Variants in GPATCH8 observed in about 807,000 individuals in gnomAD.
The protein encoded by GPATCH8 is G patch domain-containing protein 8.
GPATCH8 carries 18 observed loss-of-function variants against 118.3 expected under a neutral mutation model. The ratio of observed to expected loss-of-function variants is 0.15; its 90% CI spans 0.11 to 0.23. The LOEUF (loss-of-function observed/expected upper bound fraction) is 0.23, where lower values mean the gene tolerates loss of function less well. Among genes scored for constraint, GPATCH8 ranks in the 10% least tolerant of loss-of-function variants. GPATCH8 has a pLI of 1.00. For synonymous variants in GPATCH8, 659 were observed against 684.7 expected, an observed-to-expected ratio of 0.96 and a Z score of 0.59; for missense variants, 1,631 against 1,873.8, an observed-to-expected ratio of 0.87 and a Z score of 2.39.
chr17:44,473,774 T>C (rs1407145228), intron 2 of GPATCH8: 1 of 152,044 alleles, frequency 6.6e-6, no homozygotes, highest in African/African-American at 2.4e-5. Context: ...GGAAGAAAAA[T>C]GTCGAACACC....
chr17:44,491,176 C>T (rs1011973564), intron 1 of GPATCH8, among the ~76,000 whole-genome samples: 3 of 152,294 alleles, frequency 2.0e-5, no homozygotes, highest in Non-Finnish European at 2.9e-5. Flanking sequence ...CCTCTTCCCT[C>T]TTCCTATAAC....
chr17:44,399,009 C>T lies in GPATCH8; in HGVS notation c.3068G>A (p.Arg1023Gln). 16 of 1,613,984 alleles carry T rather than the reference C, an allele frequency of 9.9e-6. No individual in the cohort carries two copies. Among genetic ancestry groups the T allele is most frequent in the East Asian group, 2.2e-5 (1 of 44,872 alleles). The part of the protein sequence containing the change: ...ESPEERHSGR[R>Q]DFIRSKIYRS... ...GTAGATCTTAGAACGAATGAAGTCC[C>T]GACGCCCAGAATGCCTCTCCTCAGG... The change falls in exon 8 of 8, where the codon CGG becomes CAG. Residue 1023 changes from arginine to glutamine, a missense_variant. By Grantham distance (43) the Arg-to-Gln change is conservative (BLOSUM62 1). Around this residue, in one of 8 missense-constraint regions of GPATCH8, gnomAD observed 922 missense variants for 879.7 expected, o/e 1.05. Transcript: ENST00000591680.
chr17:44,462,905 C>A (rs1012722486), intron 3 of GPATCH8, among the ~76,000 whole-genome samples: 5 of 151,854 alleles, frequency 3.3e-5, no homozygotes, highest in Non-Finnish European at 5.9e-5. Flanking sequence ...GGCGTGAACC[C>A]GGGAGGTGGA....
chr17:44,409,956 G>A (rs1388876236), intron 6 of GPATCH8, among the ~76,000 whole-genome samples: 3 of 152,114 alleles, frequency 2.0e-5, no homozygotes, highest in Non-Finnish European at 4.4e-5. Flanking sequence ...ACTATTTGTA[G>A]GAAAGGTTGA....
Position 44,462,749 on chromosome 17 carries a change from G to A in GPATCH8, c.193+1723C>T, listed in dbSNP as rs111593311. On this transcript the variant is annotated intron_variant, in intron 3 of 7. Coordinates refer to ENST00000591680, the MANE Select transcript of GPATCH8 (RefSeq NM_001002909.4). ...TATAATCCCAGCACTTTTGGAGGCC[G>A]AGGCGGGCGGATCACGAGATCAGGA... 4.1e-3 allele frequency among the ~76,000 whole-genome samples: 627 copies of A among 152,174 alleles called. 9 individuals carry two copies. The highest frequency in any genetic ancestry group is 0.014 in the African/African-American group (576 of 41,530).
At chr17:44,465,945 C>A (rs1472042487) in intron 2 of GPATCH8, 1 of 152,150 alleles carries the variant, frequency 6.6e-6, no homozygotes, top group Non-Finnish European at 1.5e-5. Context: ...CCATTTTCTT[C>A]TGTAAGTTTA....
chr17:44,403,394 A>G (rs1427421871), intron 7 of GPATCH8, among the ~76,000 whole-genome samples: 1 of 151,422 alleles, frequency 6.6e-6, no homozygotes, highest in Non-Finnish European at 1.5e-5. Flanking sequence ...ATTAAAAAAA[A>G]ATTTTGCAGA....
At chr17:44,473,903 A>T (rs1455589911) in intron 2 of GPATCH8, 1 of 152,260 alleles carries the variant, frequency 6.6e-6, no homozygotes. Flanking sequence ...TGAAAATAAA[A>T]GCTAAAGTTA....
Position 44,401,412 on chromosome 17 carries a change from G to T in GPATCH8, c.665C>A (p.Ala222Asp), listed in dbSNP as rs776342184. 2 of 1,613,152 alleles carry T rather than the reference G, an allele frequency of 1.2e-6. No homozygotes were observed. Among genetic ancestry groups the T allele is most frequent in the Non-Finnish European group, 1.7e-6 (2 of 1,179,100 alleles). Residue 222 changes from alanine (A) to aspartate (D), a missense_variant, in exon 8 of 8, where the codon GCT becomes GAT. Ala to Asp is a moderately radical substitution (Grantham distance 126). This residue lies in a region of GPATCH8 where 405 missense variants were observed against 462.7 expected (regional missense o/e 0.88). Transcript: ENST00000591680. The stretch of plus-strand genomic sequence containing the variant: ...ATCTTCTCCACCTTCTTCATCTACA[G>T]CCACTGTGGTTGGTTTGAACATGGG... The part of the protein sequence containing the change: ...SGPMFKPTTV[A>D]VDEEGGEDDK...
Position 44,395,507 on chromosome 17 carries a change from C to T in GPATCH8, c.*2061G>A, listed in dbSNP as rs140718505. ...ATCTACAAGCTAATGGGAAGCAGCA[C>T]GAAAATGTTAATACTGTATTATTTA... is the stretch of plus-strand genomic sequence containing the variant. On this transcript the variant is annotated 3_prime_UTR_variant, in exon 8 of 8. Transcript: ENST00000591680. 21 of 454,356 alleles carry T rather than the reference C, an allele frequency of 4.6e-5. No individual in the cohort carries two copies. The highest frequency in any genetic ancestry group is 1.6e-4 in the African/African-American group (8 of 50,056). The allele number at this position is 454,356 out of a possible 1,614,324, so 28.1% of individuals were successfully genotyped here. A position where few individuals can be genotyped will look rare whatever the true frequency, so the allele number is the denominator to read the frequency against.
intron 3 of GPATCH8, among the ~76,000 whole-genome samples, chr17:44,448,543 A>G (rs35830456): frequency 7.4e-4 from 25 of 33,710 alleles, no homozygotes; most frequent in South Asian, 2.0e-3. Flanking sequence ...AGAAGGAAGA[A>G]GAAGAGGAAG....
Position 44,400,488 on chromosome 17 carries a change from G to C in GPATCH8, c.1589C>G (p.Pro530Arg). 6.2e-7 allele frequency: 1 copy of C among 1,614,134 alleles called. No homozygotes were observed. The change falls in exon 8 of 8, where the codon CCC (proline) becomes CGC (arginine). Residue 530 changes from proline to arginine, a missense_variant. By Grantham distance (103) the Pro-to-Arg change is moderately radical. Coordinates refer to ENST00000591680, the MANE Select transcript of GPATCH8 (RefSeq NM_001002909.4). The stretch of plus-strand genomic sequence containing the variant: ...GAAGAAGGGACCAGTAGGATGTTTG[G>C]GTCCTTCTTGGCTTTCTTTCCCTGC... ...TPAGKESQEGPKHPTGPFFPV... is the reference protein window; with the variant it reads ...TPAGKESQEGRKHPTGPFFPV...
At chr17:44,458,255 G>GAAAA (rs542843854) in intron 3 of GPATCH8, among the ~76,000 whole-genome samples, 1 of 74,920 alleles carries the variant, frequency 1.3e-5, no homozygotes. Context: ...TGTCTCAAAG[G>GAAAA]AAAAAAAAAA....
In GPATCH8 at chr17:44,399,890, T is replaced by C. The variant is rs2048944773; in HGVS notation, c.2187A>G (p.Arg729=). ...NKSSAPADSE[R]GPKPEPPGSG... is the part of the protein sequence containing the mutation. ...TCCCAGGGGGTTCTGGTTTGGGTCC[T>C]CGTTCAGAATCTGCTGGGGCTGATG... The change falls in exon 8 of 8, where the codon CGA becomes CGG. Residue 729 remains arginine, a synonymous_variant. Transcript: ENST00000591680. The C allele has an allele frequency of 6.2e-7, 1 of 1,613,950 alleles. No homozygotes were observed. The highest frequency in any genetic ancestry group is 1.3e-5 in the African/African-American group (1 of 74,906).
chr17:44,480,299 C>T lies in GPATCH8; in HGVS notation c.46-5396G>A, dbSNP rs143483076. ...TTAAAATGGCATTTAAAAAAAAATG[C>T]GGCAGGGCGCGGTGGCTCATGCCTG... On this transcript the variant is annotated intron_variant, in intron 1 of 7. Coordinates refer to ENST00000591680, the MANE Select transcript of GPATCH8 (RefSeq NM_001002909.4). 4.6e-3 allele frequency among the ~76,000 whole-genome samples: 703 copies of T among 151,838 alleles called. 4 individuals are homozygous for T. Among genetic ancestry groups the T allele is most frequent in the African/African-American group, 0.016 (675 of 41,396 alleles).
intron 1 of GPATCH8, 37 bp downstream of exon 1, chr17:44,503,289 G>A: frequency 6.3e-7 from 1 of 1,579,824 alleles, no homozygotes; most frequent in East Asian, 2.3e-5. Flanking sequence ...GGCTAGACCA[G>A]CGCCTTCCCC....
intron 6 of GPATCH8, among the ~76,000 whole-genome samples, chr17:44,417,200 C>T (rs1163753312): frequency 6.6e-6 from 1 of 151,896 alleles, no homozygotes; most frequent in Non-Finnish European, 1.5e-5. Flanking sequence ...GTAATGAAAC[C>T]GTCAAGTGTC....
intron 1 of GPATCH8, among the ~76,000 whole-genome samples, chr17:44,497,282 C>A (rs919036740): frequency 1.3e-5 from 2 of 152,156 alleles, no homozygotes; most frequent in Non-Finnish European, 2.9e-5. Context: ...TGAACTTCTG[C>A]TACGCTTTCA....
At chr17:44,424,082 T>C (rs1042721386) in intron 6 of GPATCH8, among the ~76,000 whole-genome samples, 5 of 152,082 alleles carry the variant, frequency 3.3e-5, no homozygotes, top group African/African-American at 1.2e-4. Context: ...AAATAAAAAC[T>C]TAGAAATCAA....
Sources: gnomAD v4.1 joint callset for allele counts (sites outside exome capture counted in the v4.1 genomes callset) on GRCh38, gnomAD v4.1.1 for gene constraint, gnomAD v4.1.1 regional missense constraint, MANE v1.5 for transcripts, NCBI Gene and HGNC (gene_info 2026-07-23, HGNC 2026-07-21) for gene names.